RGS6: variants seen among roughly 807,000 people sequenced by gnomAD.
The protein encoded by RGS6 is regulator of G protein signaling 6.
In RGS6, 30 loss-of-function variants were observed where a neutral mutation model predicts 78.5. The observed-to-expected ratio is 0.38, with a 90% CI of 0.29 to 0.52. The LOEUF (loss-of-function observed/expected upper bound fraction) is 0.52. RGS6 is among the 20% of genes least tolerant of loss of function. The pLI, the probability that RGS6 is intolerant of heterozygous loss-of-function variation, is 0.85. For synonymous variants in RGS6, 206 were observed against 206.0 expected, an observed-to-expected ratio of 1.00 and a Z score of 0.00; for missense variants, 495 against 609.7, an observed-to-expected ratio of 0.81 and a Z score of 1.98.
At chr14:72,072,594 C>T (rs1385713780) in intron 2 of RGS6, among the ~76,000 whole-genome samples, 1 of 152,086 alleles carries the variant, frequency 6.6e-6, no homozygotes, top group African/African-American at 2.4e-5. Context: ...CAGGTGTGAG[C>T]CACTGTTCTT....
At chr14:72,210,461 A>T (rs573652467) in intron 2 of RGS6, among the ~76,000 whole-genome samples, 1 of 152,202 alleles carries the variant, frequency 6.6e-6, no homozygotes, top group Non-Finnish European at 1.5e-5. Context: ...TTATGAGTGT[A>T]TTTAGGTGAG....
chr14:72,340,736 C>T (rs1223656367), intron 2 of RGS6, among the ~76,000 whole-genome samples: 1 of 152,180 alleles, frequency 6.6e-6, no homozygotes, highest in Non-Finnish European at 1.5e-5. Context: ...CTCTCCAGAG[C>T]TCTGGGAGAC....
chr14:71,983,265 G>A (rs768726023), intron 2 of RGS6, among the ~76,000 whole-genome samples: 3 of 152,146 alleles, frequency 2.0e-5, no homozygotes, highest in Non-Finnish European at 4.4e-5. Context: ...AATAAATCCA[G>A]GCAAATACCT....
intron 2 of RGS6, among the ~76,000 whole-genome samples, chr14:72,274,811 C>T (rs1043317516): frequency 2.0e-5 from 3 of 152,174 alleles, no homozygotes; most frequent in Non-Finnish European, 4.4e-5. Context: ...CTCACCCCTG[C>T]CAACTCATCC....
chr14:71,903,401 C>T, the RGS6 span, among the ~76,000 whole-genome samples: 1 of 152,192 alleles, frequency 6.6e-6, no homozygotes, highest in Non-Finnish European at 1.5e-5. Flanking sequence ...TTCTTCAACC[C>T]ACATTTTGAA....
intron 13 of RGS6, among the ~76,000 whole-genome samples, chr14:72,500,445 G>A (rs138819204): frequency 1.0e-3 from 154 of 152,336 alleles, no homozygotes; most frequent in African/African-American, 3.5e-3. Context: ...TCCACAAAAC[G>A]AAGGCTGAAG....
chr14:72,119,240 G>A (rs1256002450), intron 2 of RGS6, among the ~76,000 whole-genome samples: 1 of 152,212 alleles, frequency 6.6e-6, no homozygotes, highest in African/African-American at 2.4e-5. Flanking sequence ...TAGGAGTCGG[G>A]TAGAGCTTTT....
the RGS6 span, among the ~76,000 whole-genome samples, chr14:71,921,131 TG>T: frequency 6.6e-6 from 1 of 152,128 alleles, no homozygotes; most frequent in Non-Finnish European, 1.5e-5. Context: ...ATCAGAGAAA[TG>T]CAAACCAAAA....
At chr14:72,011,522 CA>C (rs1435987239) in intron 2 of RGS6, among the ~76,000 whole-genome samples, 1 of 150,888 alleles carries the variant, frequency 6.6e-6, no homozygotes, top group East Asian at 1.9e-4. Flanking sequence ...AGAGATCCAA[CA>C]AAAACCCAGG....
At chr14:72,485,879 T>C (rs2096479947) in intron 12 of RGS6, among the ~76,000 whole-genome samples, 1 of 152,182 alleles carries the variant, frequency 6.6e-6, no homozygotes, top group South Asian at 2.1e-4. Context: ...AGACATGTGT[T>C]AGGAAACATG....
intron 2 of RGS6, among the ~76,000 whole-genome samples, chr14:72,185,178 G>C (rs116654926): frequency 6.6e-6 from 1 of 152,152 alleles, no homozygotes; most frequent in African/African-American, 2.4e-5. Flanking sequence ...ATGTTCTTCT[G>C]CTTGCTTTAT....
chr14:72,313,736 G>T (rs2069271716), intron 2 of RGS6, among the ~76,000 whole-genome samples: 1 of 152,214 alleles, frequency 6.6e-6, no homozygotes. Context: ...AGGGGCTATG[G>T]TGTATGTGTG....
chr14:72,333,600 T>C (rs2075462791), intron 2 of RGS6, among the ~76,000 whole-genome samples: 1 of 152,254 alleles, frequency 6.6e-6, no homozygotes, highest in Non-Finnish European at 1.5e-5. Context: ...CCACTCACTG[T>C]GTTGCAGAAT....
intron 1 of RGS6, among the ~76,000 whole-genome samples, chr14:71,941,221 T>C (rs1254306086): frequency 6.6e-6 from 1 of 152,274 alleles, no homozygotes; most frequent in Non-Finnish European, 1.5e-5. Context: ...ACTCCCTGCC[T>C]CTCATGAGCG....
At chr14:72,568,631 G>A (rs1425265846), downstream of RGS6, among the ~76,000 whole-genome samples, 1 of 152,204 alleles carries the variant, frequency 6.6e-6, no homozygotes, top group East Asian at 1.9e-4. Flanking sequence ...CAGAGTGGCG[G>A]GCCGGAGGCG....
At chr14:72,307,567 G>T (rs1002526574) in intron 2 of RGS6, among the ~76,000 whole-genome samples, 1 of 152,050 alleles carries the variant, frequency 6.6e-6, no homozygotes, top group Non-Finnish European at 1.5e-5. Flanking sequence ...ATCAAATACT[G>T]AGAGACTGTT....
chr14:72,260,560 A>G (rs1036921149), intron 2 of RGS6, among the ~76,000 whole-genome samples: 14 of 152,204 alleles, frequency 9.2e-5, no homozygotes, highest in African/African-American at 3.1e-4. Flanking sequence ...CATAAAGAGT[A>G]TTGGGGAATT....
At chr14:72,158,544 G>A (rs1285764289) in intron 2 of RGS6, among the ~76,000 whole-genome samples, 1 of 152,046 alleles carries the variant, frequency 6.6e-6, no homozygotes, top group African/African-American at 2.4e-5. Context: ...ATTTTAAGGG[G>A]TATTTCAAGA....
At chr14:72,597,238 CA>C in the RGS6 span, among the ~76,000 whole-genome samples, 5 of 143,076 alleles carry the variant, frequency 3.5e-5, no homozygotes, top group South Asian at 8.8e-4. Flanking sequence ...GACTCCATCT[CA>C]AAAAAAAAGA....
Sources: allele counts gnomAD v4.1 joint callset (sites outside exome capture counted in the v4.1 genomes callset), GRCh38; gene constraint gnomAD v4.1.1; transcripts MANE v1.5; gene names NCBI Gene and HGNC (gene_info 2026-07-23, HGNC 2026-07-21).